GPC6: variants seen among roughly 807,000 people sequenced by gnomAD.
GPC6 encodes the protein glypican 6, also known as glypican-6.
A neutral mutation model predicts 55.2 loss-of-function variants in GPC6; 14 were observed. That is an observed-to-expected ratio of 0.25 (90% CI 0.17 to 0.40). GPC6 has a LOEUF of 0.40. GPC6 is among the 10% of genes least tolerant of loss of function. The pLI is 1.00. For synonymous variants in GPC6, 278 were observed against 259.6 expected (o/e 1.07, Z -0.68); for missense variants, 641 against 708.5 (o/e 0.90, Z 1.08).
intron 2 of GPC6, among the ~76,000 whole-genome samples, chr13:93,566,482 A>G (rs1876125151): frequency 6.6e-6 from 1 of 151,886 alleles, no homozygotes; most frequent in Non-Finnish European, 1.5e-5. Flanking sequence ...ATGCATGTGT[A>G]AGGTGAATGC....
chr13:93,932,618 A>T (rs1165736266), intron 3 of GPC6, among the ~76,000 whole-genome samples: 3 of 152,186 alleles, frequency 2.0e-5, no homozygotes, highest in African/African-American at 7.2e-5. Flanking sequence ...AAATAAATGA[A>T]ACATCTCATG....
chr13:93,467,944 T>C (rs947294237), intron 1 of GPC6, among the ~76,000 whole-genome samples: 2 of 152,054 alleles, frequency 1.3e-5, no homozygotes, highest in Admixed American at 1.3e-4. Flanking sequence ...AGGTGACACT[T>C]GTGGTGGTCT....
At chr13:93,436,580 T>G (rs1877580263) in intron 1 of GPC6, among the ~76,000 whole-genome samples, 1 of 152,090 alleles carries the variant, frequency 6.6e-6, no homozygotes, top group Non-Finnish European at 1.5e-5. Flanking sequence ...GAGTCACACT[T>G]CTGCTTGCCC....
chr13:93,675,257 T>TATG (rs1463509595), intron 2 of GPC6, among the ~76,000 whole-genome samples: 1 of 152,024 alleles, frequency 6.6e-6, no homozygotes, highest in Non-Finnish European at 1.5e-5. Flanking sequence ...GGTTTTTAAT[T>TATG]ATGATGATGA....
intron 2 of GPC6, among the ~76,000 whole-genome samples, chr13:93,652,862 T>C (rs1178999959): frequency 2.6e-5 from 4 of 152,342 alleles, no homozygotes; most frequent in Admixed American, 2.6e-4. Context: ...CATTTGACTT[T>C]CGGTATAAAA....
intron 6 of GPC6, among the ~76,000 whole-genome samples, chr13:94,348,307 C>T (rs1290999734): frequency 1.3e-5 from 2 of 152,230 alleles, no homozygotes; most frequent in East Asian, 3.8e-4. Context: ...GCATAACATA[C>T]TTTGTGACAC....
chr13:94,343,345 C>T (rs1878132644), intron 6 of GPC6, among the ~76,000 whole-genome samples: 1 of 152,180 alleles, frequency 6.6e-6, no homozygotes, highest in South Asian at 2.1e-4. Context: ...TCTAATGAAG[C>T]CCGCAGCCTT....
At chr13:93,545,145 T>C in intron 1 of GPC6, 118 bp from the exon 2 acceptor site, 1 of 829,360 alleles carries the variant, frequency 1.2e-6, no homozygotes, top group Non-Finnish European at 2.1e-6. Flanking sequence ...TGGGGATGGC[T>C]GGAGAAGTAG....
intron 2 of GPC6, among the ~76,000 whole-genome samples, chr13:93,609,596 CCCTCCCCACT>C (rs1878382740): frequency 6.6e-6 from 1 of 152,148 alleles, no homozygotes; most frequent in African/African-American, 2.4e-5. Flanking sequence ...GTGTTGAAAA[CCCTCCCCACT>C]GTTTTTGGTT....
chr13:93,573,849 T>C (rs930838908), intron 2 of GPC6, among the ~76,000 whole-genome samples: 2 of 152,210 alleles, frequency 1.3e-5, no homozygotes, highest in Non-Finnish European at 2.9e-5. Flanking sequence ...TCTCTGCTCA[T>C]CCATTTCTAC....
intron 3 of GPC6, among the ~76,000 whole-genome samples, chr13:93,895,398 A>G (rs891718512): frequency 1.4e-4 from 21 of 151,598 alleles, no homozygotes; most frequent in African/African-American, 4.8e-4. Context: ...CATTACAAAC[A>G]TAATGATTCC....
At chr13:93,942,411 C>T (rs1243498098) in intron 3 of GPC6, among the ~76,000 whole-genome samples, 1 of 152,100 alleles carries the variant, frequency 6.6e-6, no homozygotes, top group Non-Finnish European at 1.5e-5. Flanking sequence ...ACTCGAACTC[C>T]CAGGCTTTGG....
At chr13:94,376,782 C>A (rs1018097095) in intron 6 of GPC6, among the ~76,000 whole-genome samples, 3 of 152,174 alleles carry the variant, frequency 2.0e-5, no homozygotes, top group Non-Finnish European at 4.4e-5. Flanking sequence ...AGACATCACA[C>A]TACCTGACTT....
chr13:93,728,921 A>T (rs1399965760), intron 2 of GPC6, among the ~76,000 whole-genome samples: 1 of 152,108 alleles, frequency 6.6e-6, no homozygotes, highest in African/African-American at 2.4e-5. Context: ...GCTTTTCTAG[A>T]TCAGCAATAT....
At chr13:94,256,526 G>T (rs1299158718) in intron 4 of GPC6, among the ~76,000 whole-genome samples, 2 of 152,128 alleles carry the variant, frequency 1.3e-5, no homozygotes, top group African/African-American at 4.8e-5. Context: ...TCAATGTATG[G>T]CATGGCCCAT....
intron 4 of GPC6, among the ~76,000 whole-genome samples, chr13:94,128,139 G>C (rs530279451): frequency 6.6e-6 from 1 of 152,144 alleles, no homozygotes; most frequent in Non-Finnish European, 1.5e-5. Flanking sequence ...AAATCAGTGT[G>C]TTTATTTAGA....
At chr13:94,129,987 A>G (rs1886952818) in intron 4 of GPC6, among the ~76,000 whole-genome samples, 1 of 152,140 alleles carries the variant, frequency 6.6e-6, no homozygotes, top group Non-Finnish European at 1.5e-5. Flanking sequence ...GATTGTTTAA[A>G]GTGTAAGATA....
chr13:93,786,520 A>G (rs1481659209), intron 2 of GPC6, among the ~76,000 whole-genome samples: 1 of 152,126 alleles, frequency 6.6e-6, no homozygotes, highest in African/African-American at 2.4e-5. Flanking sequence ...GAAATGACCT[A>G]AGCTATTAGG....
intron 5 of GPC6, among the ~76,000 whole-genome samples, chr13:94,301,357 A>G (rs978591619): frequency 1.3e-5 from 2 of 152,130 alleles, no homozygotes; most frequent in African/African-American, 4.8e-5. Flanking sequence ...TGTTTGTGCC[A>G]TTGCACTCCA....
Sources: allele counts gnomAD v4.1 joint callset (sites outside exome capture counted in the v4.1 genomes callset), GRCh38; gene constraint gnomAD v4.1.1; transcripts MANE v1.5; gene names NCBI Gene and HGNC (gene_info 2026-07-23, HGNC 2026-07-21).